Variants in IFFO1 observed in about 807,000 individuals in gnomAD.
IFFO1 encodes the protein intermediate filament family orphan 1, also known as non-homologous end joining factor IFFO1.
IFFO1 carries 42 observed loss-of-function variants against 59.6 expected under a neutral mutation model. That is an observed-to-expected ratio of 0.70 (90% CI 0.55 to 0.91). The LOEUF (loss-of-function observed/expected upper bound fraction) is 0.91. Among genes scored for constraint, IFFO1 ranks in the 40% least tolerant of loss-of-function variants. The probability of loss-of-function intolerance (pLI) is 0.00; values close to 1 mark genes in which losing one functional copy is unlikely to be tolerated. For synonymous variants in IFFO1, 336 were observed against 342.8 expected (o/e 0.98, Z 0.22); for missense variants, 711 against 793.2 (o/e 0.90, Z 1.24).
At chr12:6,544,737 G>A (rs1041525677) in intron 8 of IFFO1, 1 of 152,244 alleles carries the variant, frequency 6.6e-6, no homozygotes, top group Non-Finnish European at 1.5e-5. Flanking sequence ...GGAGGGTGGG[G>A]AGTACTGGTT....
intron 3 of IFFO1, 80 bp downstream of exon 3, chr12:6,550,615 C>T: frequency 9.3e-7 from 1 of 1,076,020 alleles, no homozygotes. Flanking sequence ...GGGAGGCCAA[C>T]AGGCCAACAC....
In IFFO1 at chr12:6,555,600, G is replaced by A. The variant is rs1352787274; in HGVS notation, c.430C>T (p.Arg144Trp). The A allele has an allele frequency of 1.4e-6, 2 of 1,412,638 alleles. No individual in the cohort carries two copies. The highest frequency in any genetic ancestry group is 1.8e-6 in the Non-Finnish European group (2 of 1,088,998). The allele number at this position is 1,412,638 out of a possible 1,614,324, so 87.5% of individuals were successfully genotyped here. ...GAAGGGCTGCAGACAGCGGCCGGCCGGGCGCCCAGCTGCAGCCCCAGGGGC... is the reference window on the plus strand; with the variant it reads ...GAAGGGCTGCAGACAGCGGCCGGCCAGGCGCCCAGCTGCAGCCCCAGGGGC... ...IRPLGLQLGA[R>W]PAAVCSPSAR... Residue 144 changes from arginine (R) to tryptophan (W), a missense_variant, in exon 1 of 10, where the codon CGG becomes TGG. Physicochemically the swap from Arg to Trp is moderately radical, Grantham distance 101. This residue lies in a region of IFFO1 where 579 missense variants were observed against 650.3 expected (regional missense o/e 0.89). Transcript: ENST00000619571. This position sits in a 1 kb window ranked among gnomAD's most constrained non-coding sequence, Gnocchi z 8.6.
In IFFO1 at chr12:6,540,453, G is replaced by A; in HGVS notation, c.*30C>T. ...TGCCTCGCTGAGCTCCCTGCTGCGA[G>A]GGCCTCGGGTGCAAGGGGGAGGCAG... On this transcript the variant is annotated 3_prime_UTR_variant, in exon 10 of 10. Coordinates refer to ENST00000619571, the MANE Select transcript of IFFO1 (RefSeq NM_001193457.2). 2 of 1,551,554 alleles carry A rather than the reference G, an allele frequency of 1.3e-6. No individual in the cohort carries two copies. The highest frequency in any genetic ancestry group is 1.8e-6 in the Non-Finnish European group (2 of 1,123,242).
At position 6,548,113 on chromosome 12, in the gene IFFO1, C is replaced by A; in HGVS notation, c.1431G>T (p.Leu477=). 6.2e-7 allele frequency: 1 copy of A among 1,614,150 alleles called. No individual in the cohort carries two copies. Among genetic ancestry groups the A allele is most frequent in the Non-Finnish European group, 8.5e-7 (1 of 1,180,016 alleles). ...LEKVIKDTES[L]FKTREKEYQE... is the part of the protein sequence containing the mutation. ...GATACTCCTTCTCCCGGGTTTTGAA[C>A]AGGGACTCCGTATCTTTAATCACCT... The change falls in exon 8 of 10, where the codon CTG becomes CTT. Residue 477 remains leucine, a synonymous_variant. Transcript: ENST00000619571. The surrounding 1 kb of genome is among the most constrained non-coding windows in gnomAD (Gnocchi z 6.1).
intron 8 of IFFO1, among the ~76,000 whole-genome samples, chr12:6,547,466 AG>A (rs1183323343): frequency 6.6e-6 from 1 of 152,174 alleles, no homozygotes; most frequent in Non-Finnish European, 1.5e-5. Flanking sequence ...CTCTAATTCT[AG>A]TACTTTGGGA....
In IFFO1 at chr12:6,549,706, A is replaced by G; in HGVS notation, c.1071+50T>C. The G allele has an allele frequency of 6.3e-7, 1 of 1,583,632 alleles. No individual in the cohort carries two copies. Among genetic ancestry groups the G allele is most frequent in the Non-Finnish European group, 8.6e-7 (1 of 1,159,582 alleles). ...GTTCCAGGCCAGCCGCCACGGAAGC[A>G]TCCACCTGCCCCACCCACCCCTGAG... On this transcript the variant is annotated intron_variant, in intron 4 of 9. Transcript: ENST00000619571. This position sits in a 1 kb window ranked among gnomAD's most constrained non-coding sequence, Gnocchi z 5.0.
rs376491137 is a variant in IFFO1, at chr12:6,549,705, C to T, written c.1071+51G>A. ...CGTTCCAGGCCAGCCGCCACGGAAG[C>T]ATCCACCTGCCCCACCCACCCCTGA... On this transcript the variant is annotated intron_variant, in intron 4 of 9. Coordinates refer to ENST00000619571, the MANE Select transcript of IFFO1 (RefSeq NM_001193457.2). This position sits in a 1 kb window ranked among gnomAD's most constrained non-coding sequence, Gnocchi z 5.0. 1.7e-4 allele frequency: 270 copies of T among 1,582,140 alleles called. 2 individuals carry two copies. The Middle Eastern group carries it at 4.1e-3, about 24-fold the overall frequency.
Position 6,555,840 on chromosome 12 carries a change from T to C in IFFO1, c.190A>G (p.Met64Val), listed in dbSNP as rs746947299. The change falls in exon 1 of 10, where the codon ATG becomes GTG. Residue 64 changes from methionine to valine, a missense_variant. By Grantham distance (21) the Met-to-Val change is conservative. This residue lies in a region of IFFO1 where 114 missense variants were observed against 102.4 expected (regional missense o/e 1.11). Coordinates refer to ENST00000619571, the MANE Select transcript of IFFO1 (RefSeq NM_001193457.2). The surrounding 1 kb of genome is among the most constrained non-coding windows in gnomAD (Gnocchi z 8.6). Reference sequence around the variant, plus strand: ...GAGCCCAGGTCATTGCGGAGGGCCATGGCGGCAGGCGGGGCCGGGCCCGGC... The same window carrying C: ...GAGCCCAGGTCATTGCGGAGGGCCACGGCGGCAGGCGGGGCCGGGCCCGGC... ...PGPGPAPPAA[M>V]ALRNDLGSNI... 5 of 1,609,530 alleles carry C rather than the reference T, an allele frequency of 3.1e-6. No homozygotes were observed. The highest frequency in any genetic ancestry group is 4.2e-6 in the Non-Finnish European group (5 of 1,178,440).
At position 6,540,552 on chromosome 12, in the gene IFFO1, G is replaced by T; in HGVS notation, c.1647C>A (p.Asp549Glu). The T allele has an allele frequency of 1.2e-6, 2 of 1,613,944 alleles. No homozygotes were observed. Among genetic ancestry groups the T allele is most frequent in the Non-Finnish European group, 1.7e-6 (2 of 1,180,012 alleles). Residue 549 changes from aspartate (D) to glutamate (E), a missense_variant, in exon 10 of 10, where the codon GAC (aspartate) becomes GAA (glutamate). By Grantham distance (45) the Asp-to-Glu change is conservative. Transcript: ENST00000619571. ...SPAFTAVPLS[D>E]PPPPPSEAED... ...CAGCCTCGCTTGGCGGCGGCGGCGG[G>T]TCGCTAAGCGGGACCGCAGTGAAAG...
At chr12:6,550,123 C>T (rs573590159) in intron 3 of IFFO1, 10 of 487,578 alleles carry the variant, frequency 2.1e-5, no homozygotes, top group South Asian at 7.3e-5. Context: ...CCTGGCCAAA[C>T]GGAAGCCCTG....
intron 8 of IFFO1, among the ~76,000 whole-genome samples, chr12:6,542,958 A>G (rs541639143): frequency 2.0e-5 from 3 of 152,302 alleles, no homozygotes; most frequent in South Asian, 2.1e-4. Flanking sequence ...GCATATGTCT[A>G]TGTCCCCACT....
At position 6,555,239 on chromosome 12, in the gene IFFO1, C is replaced by T; in HGVS notation, c.773+18G>A. On this transcript the variant is annotated intron_variant, in intron 1 of 9. Transcript: ENST00000619571. This position sits in a 1 kb window ranked among gnomAD's most constrained non-coding sequence, Gnocchi z 8.6. ...TGGTATGACACAGAGAGACCTGTCCCCCTTTCCCAATCCCTACCTCCGCTT... is the reference window on the plus strand; with the variant it reads ...TGGTATGACACAGAGAGACCTGTCCTCCTTTCCCAATCCCTACCTCCGCTT... 6.2e-7 allele frequency: 1 copy of T among 1,613,060 alleles called. No individual in the cohort carries two copies. The highest frequency in any genetic ancestry group is 2.2e-5 in the East Asian group (1 of 44,880).
At chr12:6,552,090 A>T (rs1483500908) in intron 1 of IFFO1, among the ~76,000 whole-genome samples, 1 of 152,190 alleles carries the variant, frequency 6.6e-6, no homozygotes, top group African/African-American at 2.4e-5. Flanking sequence ...CCAAGAGAGA[A>T]ACTTCAACAC....
rs1946689916 is a variant in IFFO1 at position 6,541,056 on chromosome 12, G to C, written c.1610+456C>G. Among the ~76,000 whole-genome samples, 1 of 150,474 alleles carries C rather than the reference G, an allele frequency of 6.6e-6. No homozygotes were observed. The highest frequency in any genetic ancestry group is 2.4e-5 in the African/African-American group (1 of 40,880). On this transcript the variant is annotated intron_variant, in intron 9 of 9. Transcript: ENST00000619571. The surrounding 1 kb of genome is among the most constrained non-coding windows in gnomAD (Gnocchi z 4.8). ...AAAAAAAGAAATAGCTGAAGTCACA[G>C]TAGGAGAGAAGCTGCTGAGCCTCCA...
chr12:6,540,211 T>C lies in IFFO1; in HGVS notation c.*272A>G, dbSNP rs955882321. 5.6e-6 allele frequency: 3 copies of C among 540,274 alleles called. No homozygotes were observed. The highest frequency in any genetic ancestry group is 6.9e-5 in the Admixed American group (2 of 29,176). The allele number at this position is 540,274 out of a possible 1,614,324, so 33.5% of individuals were successfully genotyped here. The stretch of plus-strand genomic sequence containing the variant: ...AATCGCTCTGGCAGCATTTTAAAGA[T>C]GGGGAAGTAGCAGACACCCACGCGT... On this transcript the variant is annotated 3_prime_UTR_variant, in exon 10 of 10. Transcript: ENST00000619571.
chr12:6,553,729 G>A (rs993555595), intron 1 of IFFO1, among the ~76,000 whole-genome samples: 10 of 152,272 alleles, frequency 6.6e-5, no homozygotes, highest in African/African-American at 2.4e-4. Context: ...CTGTGATGAC[G>A]CTACTGCACT....
At position 6,541,694 on chromosome 12, in the gene IFFO1, CCT is replaced by C. The variant is rs775437830; in HGVS notation, c.1480-54_1480-53del. ...GGGTTAACAGGTGGCGTTCACAGCG[CCT>C]CTGTTGCCCCCGCCAGGAGGCCAAC... is the stretch of plus-strand genomic sequence containing the variant. On this transcript the variant is annotated intron_variant, in intron 8 of 9. Coordinates refer to ENST00000619571, the MANE Select transcript of IFFO1 (RefSeq NM_001193457.2). The surrounding 1 kb of genome is among the most constrained non-coding windows in gnomAD (Gnocchi z 4.8). The C allele has an allele frequency of 5.6e-6, 9 of 1,606,814 alleles. No homozygotes were observed. The highest frequency in any genetic ancestry group is 7.6e-6 in the Non-Finnish European group (9 of 1,177,180).
chr12:6,541,591 T>G lies in IFFO1; in HGVS notation c.1531A>C (p.Met511Leu), dbSNP rs1448731043. 1 of 1,614,058 alleles carries G rather than the reference T, an allele frequency of 6.2e-7. No homozygotes were observed. Among genetic ancestry groups the G allele is most frequent in the Non-Finnish European group, 8.5e-7 (1 of 1,180,034 alleles). ...NDMNRHLHEY[M>L]EMCSMKRGLD... The stretch of plus-strand genomic sequence containing the variant: ...CCGCGCTTCATGCTGCACATCTCCA[T>G]GTACTCGTGCAGGTGCCGGTTCATG... The change falls in exon 9 of 10, where the codon ATG becomes CTG. Residue 511 changes from methionine to leucine, a missense_variant. Coordinates refer to ENST00000619571, the MANE Select transcript of IFFO1 (RefSeq NM_001193457.2). This position sits in a 1 kb window ranked among gnomAD's most constrained non-coding sequence, Gnocchi z 4.8.
chr12:6,555,675 G>GGCT lies in IFFO1; in HGVS notation c.354_355insAGC (p.Gly118_Leu119insSer), dbSNP rs1947414173. The GGCT allele has an allele frequency of 6.2e-7, 1 of 1,607,462 alleles. No individual in the cohort carries two copies. Among genetic ancestry groups the GGCT allele is most frequent in the Admixed American group, 1.7e-5 (1 of 59,546 alleles). On this transcript the variant is annotated inframe_insertion, in exon 1 of 10. Coordinates refer to ENST00000619571, the MANE Select transcript of IFFO1 (RefSeq NM_001193457.2). The surrounding 1 kb of genome is among the most constrained non-coding windows in gnomAD (Gnocchi z 8.6). ...TGCACTGCCTGGTCGCGACGACCCA[G>GGCT]GCCCCGCCGGCCCTGCTTACCCTCC...
Sources: gnomAD v4.1 joint callset for allele counts (sites outside exome capture counted in the v4.1 genomes callset) on GRCh38, gnomAD v4.1.1 for gene constraint, gnomAD v4.1.1 regional missense constraint, Gnocchi (gnomAD v3.1) non-coding constraint, MANE v1.5 for transcripts, NCBI Gene and HGNC (gene_info 2026-07-23, HGNC 2026-07-21) for gene names.